KIAA1217: variants seen among roughly 807,000 people sequenced by gnomAD.
KIAA1217 encodes the protein KIAA1217.
Under a neutral mutation model 163.9 loss-of-function variants are expected in KIAA1217, and 88 were observed. The ratio of observed to expected loss-of-function variants is 0.54; its 90% CI spans 0.45 to 0.64. KIAA1217 has a LOEUF of 0.64. Among genes scored for constraint, KIAA1217 ranks in the 30% least tolerant of loss-of-function variants. The pLI, the probability that KIAA1217 is intolerant of heterozygous loss-of-function variation, is 0.00. For synonymous variants in KIAA1217, 903 were observed against 923.1 expected (o/e 0.98, Z 0.39); for missense variants, 2,372 against 2,475.0 (o/e 0.96, Z 0.88).
At chr10:24,163,727 C>T (rs1366350584) in intron 2 of KIAA1217, among the ~76,000 whole-genome samples, 1 of 152,230 alleles carries the variant, frequency 6.6e-6, no homozygotes, top group Non-Finnish European at 1.5e-5. Context: ...AGCCTTCCAG[C>T]TTCATTCTCC....
At chr10:23,771,327 A>G (rs1299792760) in intron 1 of KIAA1217, among the ~76,000 whole-genome samples, 1 of 152,198 alleles carries the variant, frequency 6.6e-6, no homozygotes, top group African/African-American at 2.4e-5. Context: ...GCTAAAAGCC[A>G]TAGGTTTGGA....
intron 1 of KIAA1217, among the ~76,000 whole-genome samples, chr10:23,859,613 C>G (rs1839863201): frequency 6.6e-6 from 1 of 152,184 alleles, no homozygotes. Flanking sequence ...CACATGTAAA[C>G]AGTTGTTCTT....
intron 5 of KIAA1217, among the ~76,000 whole-genome samples, chr10:24,443,282 A>G (rs1334059751): frequency 6.6e-6 from 1 of 152,108 alleles, no homozygotes; most frequent in Non-Finnish European, 1.5e-5. Flanking sequence ...AGATGATGAG[A>G]CAGCTCCTTA....
intron 2 of KIAA1217, among the ~76,000 whole-genome samples, chr10:24,259,240 C>T (rs1391296804): frequency 6.6e-6 from 1 of 151,914 alleles, no homozygotes; most frequent in Non-Finnish European, 1.5e-5. Flanking sequence ...TAGATGTGGG[C>T]GGTTTCTTGT....
At chr10:24,208,843 G>A (rs967388852), upstream of KIAA1217, 4 of 235,722 alleles carry the variant, frequency 1.7e-5, no homozygotes, top group East Asian at 4.3e-4. Context: ...TTGTGGGTAG[G>A]AGAGGCCGTC....
chr10:24,531,905 G>T lies in KIAA1217; in HGVS notation c.3158G>T (p.Arg1053Leu). The change falls in exon 15 of 21, where the codon CGT (arginine) becomes CTT (leucine). Residue 1053 changes from arginine (R) to leucine (L), a missense_variant. By Grantham distance (102) the Arg-to-Leu change is moderately radical. This residue lies in a region of KIAA1217 where 1,431 missense variants were observed against 1,470.3 expected (regional missense o/e 0.97). Coordinates refer to ENST00000376454, the MANE Select transcript of KIAA1217 (RefSeq NM_019590.5). ...KSPPPPPPPP[R>L]RSYLPGSGLT... The stretch of plus-strand genomic sequence containing the variant: ...CCCCCTCCTCCTCCGCCACCTCCTC[G>T]TCGAAGCTACCTGCCAGGATCGGGA... 7 of 1,610,568 alleles carry T rather than the reference G, an allele frequency of 4.3e-6. No individual in the cohort carries two copies. The highest frequency in any genetic ancestry group is 5.9e-6 in the Non-Finnish European group (7 of 1,177,976).
intron 1 of KIAA1217, among the ~76,000 whole-genome samples, chr10:23,844,160 C>A (rs891490476): frequency 1.3e-5 from 2 of 152,126 alleles, no homozygotes; most frequent in Non-Finnish European, 2.9e-5. Context: ...CCCAGTGTTA[C>A]AATTTCTTGA....
At chr10:23,785,253 G>T (rs1564417345) in intron 1 of KIAA1217, among the ~76,000 whole-genome samples, 1 of 152,090 alleles carries the variant, frequency 6.6e-6, no homozygotes, top group Non-Finnish European at 1.5e-5. Context: ...CAGACCCTTT[G>T]CTTGGAGTAT....
In KIAA1217 at chr10:24,493,468, C is replaced by A. The variant is rs113405627; in HGVS notation, c.1680-1032C>A. On this transcript the variant is annotated intron_variant, in intron 6 of 20. Coordinates refer to ENST00000376454, the MANE Select transcript of KIAA1217 (RefSeq NM_019590.5). The stretch of plus-strand genomic sequence containing the variant: ...CATGTGAAGCCTCTATTCACTTACT[C>A]GTATTGTTGTTTTTAACAATGTGTT... 1.3e-5 allele frequency among the ~76,000 whole-genome samples: 2 copies of A among 152,324 alleles called. 1 individual carries two copies. The highest frequency in any genetic ancestry group is 4.8e-5 in the African/African-American group (2 of 41,562).
chr10:23,739,370 T>C (rs941588616), intron 1 of KIAA1217, among the ~76,000 whole-genome samples: 1 of 152,174 alleles, frequency 6.6e-6, no homozygotes, highest in Admixed American at 6.5e-5. Context: ...GCACTTGCAC[T>C]CTTAAATTTA....
At chr10:24,424,441 G>A (rs2059016537) in intron 3 of KIAA1217, among the ~76,000 whole-genome samples, 1 of 152,236 alleles carries the variant, frequency 6.6e-6, no homozygotes, top group Non-Finnish European at 1.5e-5. Context: ...GATTGAGTGA[G>A]ACTTTTTTGA....
At chr10:24,098,129 G>A (rs907498548) in intron 2 of KIAA1217, among the ~76,000 whole-genome samples, 5 of 152,104 alleles carry the variant, frequency 3.3e-5, no homozygotes, top group African/African-American at 1.2e-4. Flanking sequence ...GTTTTCTGAG[G>A]CAAAGGAGGA....
intron 2 of KIAA1217, among the ~76,000 whole-genome samples, chr10:24,307,037 C>T (rs2042081474): frequency 6.6e-6 from 1 of 152,208 alleles, no homozygotes; most frequent in African/African-American, 2.4e-5. Context: ...CGTTTAATTA[C>T]AATGCAGCAG....
intron 2 of KIAA1217, among the ~76,000 whole-genome samples, chr10:24,072,010 A>G (rs1305646317): frequency 6.6e-6 from 1 of 152,158 alleles, no homozygotes; most frequent in Non-Finnish European, 1.5e-5. Flanking sequence ...AAAACAAAAT[A>G]GGAAAATATT....
intron 15 of KIAA1217, 69 bp from the exon 16 acceptor site, chr10:24,533,001 C>A (rs191392707): frequency 2.8e-6 from 4 of 1,444,180 alleles, no homozygotes; most frequent in South Asian, 1.4e-5. Context: ...AGGGACCATA[C>A]GATCTGTCCC....
chr10:23,989,033 A>C (rs1846101527), intron 1 of KIAA1217, among the ~76,000 whole-genome samples: 1 of 152,202 alleles, frequency 6.6e-6, no homozygotes, highest in Admixed American at 6.5e-5. Context: ...ATTAATTTTT[A>C]TTTTAATTTC....
intron 2 of KIAA1217, among the ~76,000 whole-genome samples, chr10:24,074,259 G>T (rs1230532262): frequency 6.6e-6 from 1 of 152,132 alleles, no homozygotes; most frequent in African/African-American, 2.4e-5. Context: ...TGAGGCAGGA[G>T]AATTGCTTGA....
At chr10:24,095,674 G>A (rs1393570384) in intron 2 of KIAA1217, among the ~76,000 whole-genome samples, 1 of 151,966 alleles carries the variant, frequency 6.6e-6, no homozygotes, top group Non-Finnish European at 1.5e-5. Context: ...CACTCTTATG[G>A]TCTCAACTAC....
chr10:23,902,088 G>C (rs1044505053), intron 1 of KIAA1217, among the ~76,000 whole-genome samples: 4 of 152,000 alleles, frequency 2.6e-5, no homozygotes, highest in Non-Finnish European at 5.9e-5. Context: ...ATGCTGATGA[G>C]TCTAGCAGTT....
Sources: gnomAD v4.1 joint callset for allele counts (sites outside exome capture counted in the v4.1 genomes callset) on GRCh38, gnomAD v4.1.1 for gene constraint, gnomAD v4.1.1 regional missense constraint, MANE v1.5 for transcripts, NCBI Gene and HGNC (gene_info 2026-07-23, HGNC 2026-07-21) for gene names.